PAPOLA: variants seen among roughly 807,000 people sequenced by gnomAD.
PAPOLA encodes poly(A) polymerase alpha.
In PAPOLA, 15 loss-of-function variants were observed where a neutral mutation model predicts 100.6. The observed-to-expected ratio is 0.15, with a 90% CI of 0.10 to 0.23. PAPOLA has a LOEUF of 0.23. Ranked by LOEUF, PAPOLA falls within the 10% of genes least tolerant of loss-of-function variation. The pLI is 1.00. For missense variants in PAPOLA, 533 were observed against 884.2 expected (o/e 0.60, Z 5.04); for synonymous variants, 293 against 300.0 (o/e 0.98, Z 0.24).
At chr14:96,542,993 A>C in intron 14 of PAPOLA, 100 bp downstream of exon 14, 1 of 1,201,326 alleles carries the variant, frequency 8.3e-7, no homozygotes, top group Non-Finnish European at 1.2e-6. Flanking sequence ...TATTCTGTTG[A>C]CTACATATGG....
At chr14:96,559,573 C>CTATA (rs1314142161) in intron 19 of PAPOLA, among the ~76,000 whole-genome samples, 102 of 116,614 alleles carry the variant, frequency 8.7e-4, no homozygotes, top group Non-Finnish European at 1.3e-3. Context: ...CTCTCTCTCT[C>CTATA]TCTCTCTCTA....
chr14:96,548,017 T>A (rs942109963), intron 16 of PAPOLA, 99 bp downstream of exon 16: 1 of 1,015,190 alleles, frequency 9.9e-7, no homozygotes, highest in Non-Finnish European at 1.4e-6. Flanking sequence ...ATAAGTCATT[T>A]TAAATAGATG....
chr14:96,562,968 AGT>A, intron 21 of PAPOLA, 75 bp downstream of exon 21: 1 of 802,962 alleles, frequency 1.2e-6, no homozygotes, highest in Non-Finnish European at 2.1e-6. Context: ...TTAAAGTGAG[AGT>A]TCATAGAAGA....
chr14:96,547,114 T>TA (rs1318850828), intron 15 of PAPOLA, among the ~76,000 whole-genome samples: 1 of 152,178 alleles, frequency 6.6e-6, no homozygotes, highest in East Asian at 1.9e-4. Flanking sequence ...CTCCCTACTG[T>TA]AATGTAGACC....
At chr14:96,519,929 G>A in intron 1 of PAPOLA, 126 bp from the exon 2 acceptor site, 1 of 684,978 alleles carries the variant, frequency 1.5e-6, no homozygotes, top group South Asian at 2.7e-5. Context: ...CAAAAATTTT[G>A]GGGGTATTGC....
chr14:96,524,804 GCCACT>G (rs1898325558), intron 3 of PAPOLA, among the ~76,000 whole-genome samples: 1 of 152,230 alleles, frequency 6.6e-6, no homozygotes, highest in Non-Finnish European at 1.5e-5. Flanking sequence ...ATAGGCGTGA[GCCACT>G]GTGTGTGGCT....
At chr14:96,512,033 C>A (rs1897139119) in intron 1 of PAPOLA, among the ~76,000 whole-genome samples, 1 of 151,986 alleles carries the variant, frequency 6.6e-6, no homozygotes, top group East Asian at 1.9e-4. Flanking sequence ...GTTTGGTGCC[C>A]CTTGCTGCCA....
Position 96,531,502 on chromosome 14 carries a change from C to T in PAPOLA, c.523C>T (p.Leu175=). 2 of 1,610,022 alleles carry T rather than the reference C, an allele frequency of 1.2e-6. No homozygotes were observed. Among genetic ancestry groups the T allele is most frequent in the South Asian group, 1.1e-5 (1 of 90,544 alleles). ...TGATATTTTGTTTGCAAGATTAGCA[C>T]TGCAGACAATTCCTGAAGATTTGGA... The part of the protein sequence containing the change: ...EIDILFARLA[L]QTIPEDLDLR... Residue 175 remains leucine (L), a synonymous_variant, in exon 7 of 22, where the codon CTG becomes TTG. Transcript: ENST00000216277.
chr14:96,551,408 A>T (rs986820522), intron 16 of PAPOLA, among the ~76,000 whole-genome samples: 1 of 152,210 alleles, frequency 6.6e-6, no homozygotes, highest in South Asian at 2.1e-4. Context: ...GACTGACTTC[A>T]TAAGCAAATG....
chr14:96,535,143 T>C (rs901314456), intron 10 of PAPOLA: 25 of 955,390 alleles, frequency 2.6e-5, no homozygotes, highest in South Asian at 1.9e-4. Context: ...GTTAACAACA[T>C]GCACTTTATA....
At chr14:96,510,482 C>A (rs556497142) in intron 1 of PAPOLA, among the ~76,000 whole-genome samples, 1 of 151,408 alleles carries the variant, frequency 6.6e-6, no homozygotes, top group East Asian at 1.9e-4. Context: ...CACACACGCG[C>A]GCGTGCGCTT....
intron 3 of PAPOLA, among the ~76,000 whole-genome samples, chr14:96,524,506 C>T (rs1417619443): frequency 6.6e-6 from 1 of 151,936 alleles, no homozygotes; most frequent in Non-Finnish European, 1.5e-5. Context: ...TTCCCCTTCC[C>T]TTCTTCCCCT....
rs1481281312 is a variant in PAPOLA at position 96,566,441 on chromosome 14, G to A, written c.*1391G>A. 1.3e-5 allele frequency: 2 copies of A among 152,504 alleles called. No homozygotes were observed. Among genetic ancestry groups the A allele is most frequent in the African/African-American group, 4.8e-5 (2 of 41,422 alleles). 9.4% of individuals were successfully genotyped at this position (152,504 alleles called of 1,614,324 possible). On this transcript the variant is annotated 3_prime_UTR_variant, in exon 22 of 22. Coordinates refer to ENST00000216277, the MANE Select transcript of PAPOLA (RefSeq NM_032632.5). ...ACTCTTTCTGAATCTGGACAAAGTC[G>A]ACTTAACAGATTTTTCTGATGAGCA...
chr14:96,510,896 G>C (rs1241889328), intron 1 of PAPOLA, among the ~76,000 whole-genome samples: 1 of 152,154 alleles, frequency 6.6e-6, no homozygotes. Flanking sequence ...AAAGGAGATT[G>C]TATTATTTTG....
At chr14:96,520,018 T>A (rs191037787) in intron 1 of PAPOLA, 37 bp from the exon 2 acceptor site, 37 of 1,512,130 alleles carry the variant, frequency 2.4e-5, no homozygotes, top group Admixed American at 1.8e-4. Context: ...AATTGTAGAA[T>A]TCTTTTGGCA....
intron 6 of PAPOLA, among the ~76,000 whole-genome samples, chr14:96,530,687 A>G (rs375067732): frequency 6.6e-6 from 1 of 152,050 alleles, no homozygotes; most frequent in African/African-American, 2.4e-5. Flanking sequence ...CCCCCAGCCT[A>G]TATTGCCATG....
rs759441106 is a variant in PAPOLA at position 96,555,878 on chromosome 14, G to C, written c.1696G>C (p.Ala566Pro). ...CAGTCCTGCTCCAGCTGTAACAGCA[G>C]CATCTGTGACCAACATACAGGCTAC... Reference protein sequence around the residue: ...RNSPAPAVTAASVTNIQATEV... With the variant: ...RNSPAPAVTAPSVTNIQATEV... The change falls in exon 18 of 22, where the codon GCA becomes CCA. Residue 566 changes from alanine to proline, a missense_variant. Around this residue, in one of 9 missense-constraint regions of PAPOLA, gnomAD observed 242 missense variants for 281.0 expected, o/e 0.86. Transcript: ENST00000216277. 2 of 1,607,358 alleles carry C rather than the reference G, an allele frequency of 1.2e-6. No individual in the cohort carries two copies. Among genetic ancestry groups the C allele is most frequent in the Non-Finnish European group, 8.5e-7 (1 of 1,175,376 alleles).
In PAPOLA at chr14:96,542,261, A is replaced by G; in HGVS notation, c.1134A>G (p.Leu378=). 6.3e-7 allele frequency: 1 copy of G among 1,599,430 alleles called. No homozygotes were observed. The highest frequency in any genetic ancestry group is 8.6e-7 in the Non-Finnish European group (1 of 1,167,102). Reference sequence around the variant, plus strand: ...TTCAAAGGCATTATATTGTACTTCTAGCAAGTGCACCAACAGAAAAACAAC... The same window carrying G: ...TTCAAAGGCATTATATTGTACTTCTGGCAAGTGCACCAACAGAAAAACAAC... ...FQKYKHYIVL[L]ASAPTEKQRL... is the part of the protein sequence containing the mutation. The change falls in exon 13 of 22, where the codon CTA becomes CTG. Residue 378 remains leucine (L), a synonymous_variant. Coordinates refer to ENST00000216277, the MANE Select transcript of PAPOLA (RefSeq NM_032632.5).
intron 1 of PAPOLA, among the ~76,000 whole-genome samples, chr14:96,518,275 C>A (rs1195633114): frequency 6.6e-6 from 1 of 152,214 alleles, no homozygotes; most frequent in African/African-American, 2.4e-5. Flanking sequence ...ATTCTTAGAT[C>A]TTTCTTGATA....
Sources: allele counts gnomAD v4.1 joint callset (sites outside exome capture counted in the v4.1 genomes callset), GRCh38; gene constraint gnomAD v4.1.1; regional missense constraint gnomAD v4.1.1; transcripts MANE v1.5; gene names NCBI Gene and HGNC (gene_info 2026-07-23, HGNC 2026-07-21).